The following CNTN4 variants were observed in gnomAD, a reference collection of about 807,000 sequenced individuals.
CNTN4 encodes the protein contactin-4.
In CNTN4, 77 loss-of-function variants were observed where a neutral mutation model predicts 122.5. The observed-to-expected ratio is 0.63, with a 90% CI of 0.52 to 0.76. The LOEUF (loss-of-function observed/expected upper bound fraction) is 0.76, where lower values mean the gene tolerates loss of function less well. Ranked by LOEUF, CNTN4 falls within the 30% of genes least tolerant of loss-of-function variation. The pLI is 0.00. For missense variants in CNTN4, 1,256 were observed against 1,259.1 expected, an observed-to-expected ratio of 1.00 and a Z score of 0.04; for synonymous variants, 512 against 447.0, an observed-to-expected ratio of 1.15 and a Z score of -1.83.
At chr3:2,179,286 AG>A (rs1469943836) in intron 2 of CNTN4, among the ~76,000 whole-genome samples, 1 of 151,838 alleles carries the variant, frequency 6.6e-6, no homozygotes, top group Non-Finnish European at 1.5e-5. Flanking sequence ...TATTTTTTGG[AG>A]GGGGGAAATA....
intron 2 of CNTN4, among the ~76,000 whole-genome samples, chr3:2,297,531 A>G (rs917460285): frequency 2.0e-5 from 3 of 152,142 alleles, no homozygotes; most frequent in African/African-American, 7.2e-5. Context: ...AATCCCATAC[A>G]TCGTCTGTCT....
intron 2 of CNTN4, among the ~76,000 whole-genome samples, chr3:2,223,760 G>T (rs1476515321): frequency 6.6e-6 from 1 of 152,184 alleles, no homozygotes; most frequent in Non-Finnish European, 1.5e-5. Flanking sequence ...TGGAATTGTG[G>T]TACATGGTAG....
At chr3:2,904,341 G>A (rs776410821) in intron 12 of CNTN4, among the ~76,000 whole-genome samples, 1 of 152,142 alleles carries the variant, frequency 6.6e-6, no homozygotes, top group Non-Finnish European at 1.5e-5. Context: ...CTTGCATATA[G>A]AAGTAAATGT....
intron 2 of CNTN4, among the ~76,000 whole-genome samples, chr3:2,299,167 G>A (rs1250580612): frequency 6.6e-6 from 1 of 152,120 alleles, no homozygotes; most frequent in Non-Finnish European, 1.5e-5. Context: ...ACAAATAAAT[G>A]ATAAGAGAAT....
chr3:2,398,279 A>G (rs545337719), intron 3 of CNTN4, among the ~76,000 whole-genome samples: 1 of 152,174 alleles, frequency 6.6e-6, no homozygotes. Context: ...ATGACTCATT[A>G]AAACAAAAAC....
chr3:2,992,489 G>A (rs990197161), intron 14 of CNTN4, among the ~76,000 whole-genome samples: 2 of 152,098 alleles, frequency 1.3e-5, no homozygotes, highest in African/African-American at 4.8e-5. Context: ...ATGCAATATT[G>A]TACTTACTAA....
intron 3 of CNTN4, among the ~76,000 whole-genome samples, chr3:2,405,591 A>ATAGG (rs1037093570): frequency 3.8e-5 from 4 of 105,062 alleles, no homozygotes; most frequent in African/African-American, 6.5e-5. Flanking sequence ...ACTGTTATAG[A>ATAGG]TAGGTAGATA....
intron 3 of CNTN4, among the ~76,000 whole-genome samples, chr3:2,355,139 T>C (rs1272880208): frequency 6.6e-6 from 1 of 152,220 alleles, no homozygotes; most frequent in Non-Finnish European, 1.5e-5. Context: ...AGTATGCCTA[T>C]TTCTCAAGTA....
intron 4 of CNTN4, among the ~76,000 whole-genome samples, chr3:2,734,229 T>G (rs2088913289): frequency 6.6e-6 from 1 of 152,126 alleles, no homozygotes; most frequent in South Asian, 2.1e-4. Flanking sequence ...CCCAGCTAAT[T>G]TTTTAATTTT....
intron 6 of CNTN4, among the ~76,000 whole-genome samples, chr3:2,777,994 C>G (rs2091398713): frequency 6.6e-6 from 1 of 151,944 alleles, no homozygotes; most frequent in Admixed American, 6.6e-5. Flanking sequence ...GTGGGCGGAT[C>G]ATGAGGTCAG....
intron 6 of CNTN4, among the ~76,000 whole-genome samples, chr3:2,813,137 A>C (rs2092651434): frequency 6.6e-6 from 1 of 152,234 alleles, no homozygotes; most frequent in Non-Finnish European, 1.5e-5. Context: ...GAGAGTCAAG[A>C]CATAACTTTA....
In CNTN4 at chr3:2,385,521, C is replaced by T. The variant is rs1230118883; in HGVS notation, c.-89+46288C>T. ...ACTTAAAATGACAGAAGTTTATTCT[C>T]TCACACTTCTAGAGGCCAGAAGTCC... On this transcript the variant is annotated intron_variant, in intron 3 of 24. Transcript: ENST00000418658. The surrounding 1 kb of genome is among the most constrained non-coding windows in gnomAD (Gnocchi z 4.0). 6.6e-6 allele frequency among the ~76,000 whole-genome samples: 1 copy of T among 152,040 alleles called. No homozygotes were observed. Among genetic ancestry groups the T allele is most frequent in the Non-Finnish European group, 1.5e-5 (1 of 68,022 alleles).
At chr3:2,733,136 C>T (rs749711562) in intron 4 of CNTN4, among the ~76,000 whole-genome samples, 6 of 152,068 alleles carry the variant, frequency 3.9e-5, no homozygotes, top group Non-Finnish European at 8.8e-5. Flanking sequence ...ATCATTATTA[C>T]GTTTTATTCT....
intron 2 of CNTN4, among the ~76,000 whole-genome samples, chr3:2,302,139 C>T (rs2042548421): frequency 6.6e-6 from 1 of 152,044 alleles, no homozygotes; most frequent in African/African-American, 2.4e-5. Context: ...CTTTATAAAA[C>T]TTAGAATTGG....
Position 2,841,812 on chromosome 3 carries a change from A to G in CNTN4, c.454+22231A>G, listed in dbSNP as rs543242748. On this transcript the variant is annotated intron_variant, in intron 7 of 24. Transcript: ENST00000418658. This position sits in a 1 kb window ranked among gnomAD's most constrained non-coding sequence, Gnocchi z 4.8. Reference sequence around the variant, plus strand: ...CTTGACCACAAATATTAAACGTTTCACCAGGGAAATGGCTGGTAAGAGATT... The same window carrying G: ...CTTGACCACAAATATTAAACGTTTCGCCAGGGAAATGGCTGGTAAGAGATT... Among the ~76,000 whole-genome samples, 1 of 152,330 alleles carries G rather than the reference A, an allele frequency of 6.6e-6. No homozygotes were observed. Among genetic ancestry groups the G allele is most frequent in the Admixed American group, 6.5e-5 (1 of 15,308 alleles).
intron 3 of CNTN4, among the ~76,000 whole-genome samples, chr3:2,381,724 T>C (rs924474499): frequency 3.4e-4 from 52 of 152,340 alleles, no homozygotes; most frequent in African/African-American, 1.2e-3. Context: ...ACAAAGGCTG[T>C]TAAAGGCTCT....
chr3:2,465,275 T>C (rs2075454888), intron 3 of CNTN4, among the ~76,000 whole-genome samples: 1 of 152,208 alleles, frequency 6.6e-6, no homozygotes, highest in African/African-American at 2.4e-5. Flanking sequence ...TAACTGTTCA[T>C]CAATTTAGAA....
rs1470340919 is a variant in CNTN4, at chr3:3,006,032, C to CCG, written c.1486+17561_1486+17562insGC. On this transcript the variant is annotated intron_variant, in intron 14 of 24. Coordinates refer to ENST00000418658, the MANE Select transcript of CNTN4 (RefSeq NM_175607.3). ...TCCCAAGTAGCTGGGACTACAGGCG[C>CCG]CCACCCCCACGCTCGGCTAATTTTT... Among the ~76,000 whole-genome samples, 5 of 151,866 alleles carry CCG rather than the reference C, an allele frequency of 3.3e-5. No individual in the cohort carries two copies. The East Asian group carries it at 9.7e-4, about 29-fold the overall frequency.
At chr3:2,997,214 G>C (rs1180058967) in intron 14 of CNTN4, among the ~76,000 whole-genome samples, 1 of 152,200 alleles carries the variant, frequency 6.6e-6, no homozygotes, top group Non-Finnish European at 1.5e-5. Flanking sequence ...TTTACCTTCT[G>C]TCTCTAAACA....
Sources: allele counts gnomAD v4.1 joint callset (sites outside exome capture counted in the v4.1 genomes callset), GRCh38; gene constraint gnomAD v4.1.1; non-coding constraint Gnocchi (gnomAD v3.1); transcripts MANE v1.5; gene names NCBI Gene and HGNC (gene_info 2026-07-23, HGNC 2026-07-21).